TTN: variants seen among roughly 807,000 people sequenced by gnomAD.
TTN encodes titin.
TTN carries 1,525 observed loss-of-function variants against 3,223.0 expected under a neutral mutation model. The ratio of observed to expected loss-of-function variants is 0.47; its 90% CI spans 0.45 to 0.49. The LOEUF is 0.49. Among genes scored for constraint, TTN ranks in the 20% least tolerant of loss-of-function variants. The probability of loss-of-function intolerance (pLI) is 0.00; values close to 1 mark genes in which losing one functional copy is unlikely to be tolerated. For missense variants in TTN, 40,786 were observed against 43,424.0 expected (o/e 0.94, Z 5.40); for synonymous variants, 14,094 against 15,161.0 (o/e 0.93, Z 5.17).
Position 178,672,413 on chromosome 2 carries a change from C to T in TTN, c.34924G>A (p.Ala11642Thr). ...AGGATCTTTCCAAAAATACCTTTAG[C>T]TGGGGGAACAGCTTCCTTTTTAGGC... ...LVPKKEAVPP[A>T]KGRTVLEEKV... The change falls in exon 154 of 363, where the codon GCT becomes ACT. Residue 11642 changes from alanine (A) to threonine (T), a missense_variant. Physicochemically the swap from Ala to Thr is moderately conservative, Grantham distance 58 (BLOSUM62 0). Transcript: ENST00000589042. 6.2e-7 allele frequency: 1 copy of T among 1,601,834 alleles called. No homozygotes were observed. Among genetic ancestry groups the T allele is most frequent in the Non-Finnish European group, 8.5e-7 (1 of 1,176,684 alleles).
In TTN at chr2:178,541,332, G is replaced by A; in HGVS notation, c.97745C>T (p.Ser32582Phe). ...HRVTAINARG[S>F]GKPSRPSKPI... ...TTTGGAAGGACGACTTGGTTTCCCA[G>A]ACCCTCTTGCATTAATGGCTGTGAC... Residue 32582 changes from serine to phenylalanine, a missense_variant, in exon 350 of 363, where the codon TCT becomes TTT. Coordinates refer to ENST00000589042, the MANE Select transcript of TTN (RefSeq NM_001267550.2). The A allele has an allele frequency of 5.7e-6, 9 of 1,568,526 alleles. No homozygotes were observed. Among genetic ancestry groups the A allele is most frequent in the Non-Finnish European group, 7.8e-6 (9 of 1,153,570 alleles).
intron 121 of TTN, 116 bp downstream of exon 121, chr2:178,691,900 C>G (rs2072544289): frequency 1.3e-6 from 1 of 771,540 alleles, no homozygotes; most frequent in Admixed American, 3.2e-5. Flanking sequence ...AGTAAAAACA[C>G]AAGAAGAATG....
rs144731702 is a variant in TTN, at chr2:178,560,743, G to A, written c.85389C>T (p.Leu28463=). The A allele has an allele frequency of 3.4e-5, 55 of 1,613,732 alleles. No individual in the cohort carries two copies. The Middle Eastern group carries it at 4.9e-4, about 15-fold the overall frequency. Residue 28463 remains leucine (L), a synonymous_variant, in exon 326 of 363, where the codon CTC becomes CTT. Coordinates refer to ENST00000589042, the MANE Select transcript of TTN (RefSeq NM_001267550.2). ...PPAGPLEING[L]TAEKCSLSWG... ...AGGAAAGAGAGCATTTCTCAGCAGT[G>A]AGGCCATTTATTTCAAGTGGTCCTG... is the stretch of plus-strand genomic sequence containing the variant.
At chr2:178,681,328 A>T (rs2069337541) in intron 137 of TTN, 48 bp downstream of exon 137, 1 of 1,543,518 alleles carries the variant, frequency 6.5e-7, no homozygotes, top group African/African-American at 1.4e-5. Flanking sequence ...ATGATTTTAG[A>T]ACATACATAA....
chr2:178,610,425 G>GA, intron 270 of TTN, 36 bp from the exon 271 acceptor site: 2 of 1,594,340 alleles, frequency 1.3e-6, no homozygotes, highest in Non-Finnish European at 1.7e-6. Flanking sequence ...TAGTAATCCT[G>GA]AAAAATCAGC....
At position 178,634,486 on chromosome 2, in the gene TTN, C is replaced by T. The variant is rs1041549928; in HGVS notation, c.42295G>A (p.Asp14099Asn). The T allele has an allele frequency of 2.5e-6, 4 of 1,613,136 alleles. No homozygotes were observed. The highest frequency in any genetic ancestry group is 2.7e-5 in the African/African-American group (2 of 74,846). ...PDIIKSSDKF[D>N]IIADGKKHIL... Reference sequence around the variant, plus strand: ...TGTTTCTTTCCATCAGCGATGATATCAAATTTGTCAGATGACTTAATTATA... The same window carrying T: ...TGTTTCTTTCCATCAGCGATGATATTAAATTTGTCAGATGACTTAATTATA... The change falls in exon 230 of 363, where the codon GAT becomes AAT. Residue 14099 changes from aspartate (D) to asparagine (N), a missense_variant. By Grantham distance (23) the Asp-to-Asn change is conservative (BLOSUM62 1). Transcript: ENST00000589042. The surrounding 1 kb of genome is among the most constrained non-coding windows in gnomAD (Gnocchi z 4.6).
Position 178,566,740 on chromosome 2 carries a change from T to A in TTN, c.79392A>T (p.Glu26464Asp). The A allele has an allele frequency of 6.2e-7, 1 of 1,613,420 alleles. No homozygotes were observed. Among genetic ancestry groups the A allele is most frequent in the Non-Finnish European group, 8.5e-7 (1 of 1,179,674 alleles). Reference protein sequence around the residue: ...DHEYEFRVSAENAAGVGEPSP... With the variant: ...DHEYEFRVSADNAAGVGEPSP... ...TTGGTTCCCCAACTCCAGCAGCATT[T>A]TCTGCAGAGACCCTGAATTCATACT... Residue 26464 changes from glutamate to aspartate, a missense_variant, in exon 326 of 363, where the codon GAA (glutamate) becomes GAT (aspartate). Glu to Asp is a conservative substitution (Grantham distance 45, BLOSUM62 2). Transcript: ENST00000589042.
Position 178,795,210 on chromosome 2 carries a change from C to A in TTN, c.957G>T (p.Arg319Ser). Residue 319 changes from arginine (R) to serine (S), a missense_variant, in exon 7 of 363, where the codon AGG (arginine) becomes AGT (serine). Coordinates refer to ENST00000589042, the MANE Select transcript of TTN (RefSeq NM_001267550.2). ...GCATGAGCAATGGAGACCTAACAGA[C>A]CTGATGGGGGATGTGGAGATTCTTG... is the stretch of plus-strand genomic sequence containing the variant. The part of the protein sequence containing the change: ...PAARISTSPI[R>S]SVRSPLLMRK... 6.2e-7 allele frequency: 1 copy of A among 1,614,060 alleles called. No individual in the cohort carries two copies. The highest frequency in any genetic ancestry group is 8.5e-7 in the Non-Finnish European group (1 of 1,179,986).
Position 178,613,827 on chromosome 2 carries a change from A to G in TTN, c.49456T>C (p.Trp16486Arg). ...DDGGSPITGY[W>R]VERLDPDTDK... ...GTATCAGGATCCAGTCTTTCAACCC[A>G]GTATCCTGTGATTGGGCTGCCACCA... The change falls in exon 263 of 363, where the codon TGG becomes CGG. Residue 16486 changes from tryptophan (W) to arginine (R), a missense_variant. Transcript: ENST00000589042. The G allele has an allele frequency of 6.2e-7, 1 of 1,612,516 alleles. No homozygotes were observed. The highest frequency in any genetic ancestry group is 2.2e-5 in the East Asian group (1 of 44,742).
Position 178,608,759 on chromosome 2 carries a change from A to C in TTN, c.52252T>G (p.Trp17418Gly), listed in dbSNP as rs553106785. 6.2e-7 allele frequency: 1 copy of C among 1,612,634 alleles called. No individual in the cohort carries two copies. Residue 17418 changes from tryptophan to glycine, a missense_variant, in exon 274 of 363, where the codon TGG becomes GGG. Physicochemically the swap from Trp to Gly is radical, Grantham distance 184. Transcript: ENST00000589042. ...KKDKTKPDSE[W>G]IVVTSTLRHC... is the part of the protein sequence containing the mutation. ...CTAAGTGTTGAAGTGACAACAATCC[A>C]TTCTGAGTCGGGTTTTGTCTTGTCT...
Position 178,704,741 on chromosome 2 carries a change from C to A in TTN, c.29731G>T (p.Val9911Phe). The A allele has an allele frequency of 6.2e-7, 1 of 1,610,600 alleles. No homozygotes were observed. Among genetic ancestry groups the A allele is most frequent in the Non-Finnish European group, 8.5e-7 (1 of 1,179,500 alleles). The part of the protein sequence containing the change: ...TLIKDIENQT[V>F]LKDNDAVFEI... ...AAGACAGCATCATTATCTTTCAAAA[C>A]TGTCTGATTTTCAATGTCCTTGATC... Residue 9911 changes from valine (V) to phenylalanine (F), a missense_variant, in exon 105 of 363, where the codon GTT becomes TTT. By Grantham distance (50) the Val-to-Phe change is conservative. Coordinates refer to ENST00000589042, the MANE Select transcript of TTN (RefSeq NM_001267550.2).
intron 159 of TTN, among the ~76,000 whole-genome samples, chr2:178,668,696 C>T (rs1448397671): frequency 2.0e-5 from 3 of 146,890 alleles, no homozygotes; most frequent in Non-Finnish European, 4.5e-5. Flanking sequence ...CGTGCCACTG[C>T]ACTGCAGCCT....
rs2154155539 is a variant in TTN at position 178,557,315 on chromosome 2, T to C, written c.87947A>G (p.Asn29316Ser). 1 of 1,613,968 alleles carries C rather than the reference T, an allele frequency of 6.2e-7. No individual in the cohort carries two copies. Among genetic ancestry groups the C allele is most frequent in the Non-Finnish European group, 8.5e-7 (1 of 1,179,872 alleles). ...LIYEFRVYAENAAGVGKPSHP... is the reference protein window; with the variant it reads ...LIYEFRVYAESAAGVGKPSHP... ...GCTAGGTTTTCCAACTCCAGCAGCATTTTCTGCATACACCCTGAATTCATA... is the reference window on the plus strand; with the variant it reads ...GCTAGGTTTTCCAACTCCAGCAGCACTTTCTGCATACACCCTGAATTCATA... The change falls in exon 329 of 363, where the codon AAT (asparagine) becomes AGT (serine). Residue 29316 changes from asparagine (N) to serine (S), a missense_variant. By Grantham distance (46) the Asn-to-Ser change is conservative (BLOSUM62 1). Coordinates refer to ENST00000589042, the MANE Select transcript of TTN (RefSeq NM_001267550.2).
chr2:178,580,612 G>GT lies in TTN; in HGVS notation c.66770-4dup. 2 of 1,596,258 alleles carry GT rather than the reference G, an allele frequency of 1.3e-6. No individual in the cohort carries two copies. Among genetic ancestry groups the GT allele is most frequent in the Non-Finnish European group, 8.5e-7 (1 of 1,175,338 alleles). ...ATCAAGTTCTCCCTCAGGTGGAACTGTTTAATTTTGGGTGAAGAAGTTAAA... is the reference window on the plus strand; with the variant it reads ...ATCAAGTTCTCCCTCAGGTGGAACTGTTTTAATTTTGGGTGAAGAAGTTAAA... On this transcript the variant is annotated splice_region_variant and splice_polypyrimidine_tract_variant and intron_variant, in intron 316 of 362. Coordinates refer to ENST00000589042, the MANE Select transcript of TTN (RefSeq NM_001267550.2).
At position 178,537,344 on chromosome 2, in the gene TTN, T is replaced by C; in HGVS notation, c.99863A>G (p.Gln33288Arg). 1 of 1,541,294 alleles carries C rather than the reference T, an allele frequency of 6.5e-7. No individual in the cohort carries two copies. The highest frequency in any genetic ancestry group is 8.7e-7 in the Non-Finnish European group (1 of 1,147,138). ...TVDAILDVEI[Q>R]DKPDKPTGPI... ...CACTGAAAATAAAAATAAAATACCTTGTATTTCCACATCAAGGATGGCATC... is the reference window on the plus strand; with the variant it reads ...CACTGAAAATAAAAATAAAATACCTCGTATTTCCACATCAAGGATGGCATC... Residue 33288 changes from glutamine (Q) to arginine (R), a missense_variant and splice_region_variant, in exon 355 of 363, where the codon CAA becomes CGA. Coordinates refer to ENST00000589042, the MANE Select transcript of TTN (RefSeq NM_001267550.2).
intron 235 of TTN, 47 bp downstream of exon 235, chr2:178,632,478 AG>A: frequency 1.3e-6 from 2 of 1,590,642 alleles, no homozygotes; most frequent in Non-Finnish European, 1.7e-6. Context: ...ATAAAACTAA[AG>A]GCAAAAAAAA....
chr2:178,676,108 C>G (rs1377671150), intron 147 of TTN, 113 bp from the exon 148 acceptor site: 1 of 953,614 alleles, frequency 1.0e-6, no homozygotes, highest in African/African-American at 1.7e-5. Flanking sequence ...CAAGACAGGT[C>G]TGTCATGTTA....
Position 178,609,320 on chromosome 2 carries a change from T to C in TTN, c.51990A>G (p.Gly17330=), listed in dbSNP as rs1262853931. The change falls in exon 273 of 363, where the codon GGA becomes GGG. Residue 17330 remains glycine, a synonymous_variant. Transcript: ENST00000589042. ...QRLSIDNSKK[G]ESQLRVRDSL... ...AATCTCGGACGCGTAGCTGAGATTC[T>C]CCCTTTTTGCTGTTGTCAATACTCA... 2 of 1,608,890 alleles carry C rather than the reference T, an allele frequency of 1.2e-6. No individual in the cohort carries two copies. Among genetic ancestry groups the C allele is most frequent in the South Asian group, 1.1e-5 (1 of 90,358 alleles).
intron 330 of TTN, chr2:178,556,397 C>G (rs1306463243): frequency 1.0e-5 from 2 of 195,642 alleles, no homozygotes; most frequent in African/African-American, 2.4e-5. Flanking sequence ...TGCCACTGCA[C>G]TACAGCCTGG....
Sources: allele counts gnomAD v4.1 joint callset (sites outside exome capture counted in the v4.1 genomes callset), GRCh38; gene constraint gnomAD v4.1.1; non-coding constraint Gnocchi (gnomAD v3.1); transcripts MANE v1.5; gene names NCBI Gene and HGNC (gene_info 2026-07-23, HGNC 2026-07-21).